CTIF: variants seen among roughly 807,000 people sequenced by gnomAD.
CTIF encodes cap binding complex dependent translation initiation factor.
A neutral mutation model predicts 66.0 loss-of-function variants in CTIF; 21 were observed. The ratio of observed to expected loss-of-function variants is 0.32; its 90% CI spans 0.23 to 0.46. The LOEUF (loss-of-function observed/expected upper bound fraction) is 0.46, where lower values mean the gene tolerates loss of function less well. CTIF is among the 20% of genes least tolerant of loss of function. CTIF has a pLI of 1.00. For missense variants in CTIF, 739 were observed against 812.7 expected (o/e 0.91, Z 1.10); for synonymous variants, 345 against 326.4 (o/e 1.06, Z -0.62).
rs2092224380 is a variant in CTIF, at chr18:48,711,637, C to A, written c.526C>A (p.His176Asn). Residue 176 changes from histidine to asparagine, a missense_variant, in exon 7 of 12, where the codon CAT (histidine) becomes AAT (asparagine). His to Asn is a moderately conservative substitution (Grantham distance 68). Coordinates refer to ENST00000256413, the MANE Select transcript of CTIF (RefSeq NM_014772.3). ...GACACAGGGCTACCACCCGATGCCC[C>A]ATGAAGTGGAGATCGCACACACCAA... ...PAWQGYHPMPHEVEIAHTKKL... is the reference protein window; with the variant it reads ...PAWQGYHPMPNEVEIAHTKKL... 1 of 1,613,980 alleles carries A rather than the reference C, an allele frequency of 6.2e-7. No individual in the cohort carries two copies. Among genetic ancestry groups the A allele is most frequent in the Admixed American group, 1.7e-5 (1 of 60,008 alleles).
chr18:48,795,976 C>G (rs563268644), intron 9 of CTIF, among the ~76,000 whole-genome samples: 1 of 152,232 alleles, frequency 6.6e-6, no homozygotes, highest in South Asian at 2.1e-4. Context: ...GAGAAGCAAT[C>G]CCCAAATGCC....
intron 9 of CTIF, among the ~76,000 whole-genome samples, chr18:48,764,019 AC>A (rs1303466504): frequency 6.6e-6 from 1 of 150,488 alleles, no homozygotes; most frequent in East Asian, 1.9e-4. Context: ...CCTGCTCCCC[AC>A]CCCCCATCAG....
chr18:48,824,999 CCT>C (rs147800637), intron 10 of CTIF, among the ~76,000 whole-genome samples: 4 of 152,252 alleles, frequency 2.6e-5, no homozygotes, highest in Non-Finnish European at 5.9e-5. Flanking sequence ...TTCCTCTCAT[CCT>C]CTCTCTCCCC....
chr18:48,827,881 G>A (rs561444554), intron 10 of CTIF, among the ~76,000 whole-genome samples: 2 of 151,988 alleles, frequency 1.3e-5, no homozygotes, highest in Admixed American at 6.6e-5. Context: ...GCGGGGTGAC[G>A]CCGACCTACC....
At chr18:48,561,845 T>C (rs1218590619) in intron 1 of CTIF, among the ~76,000 whole-genome samples, 1 of 152,192 alleles carries the variant, frequency 6.6e-6, no homozygotes. Context: ...ATCGGTAAAA[T>C]AGGGAATTTG....
rs571329626 is a variant in CTIF at position 48,836,461 on chromosome 18, G to A, written c.1527+19085G>A. The stretch of plus-strand genomic sequence containing the variant: ...ACCACCCTGCTGCCCCCTAAGATGC[G>A]TATGGGGCAGGCCCTCCAGCTTCTC... On this transcript the variant is annotated intron_variant, in intron 10 of 11. Coordinates refer to ENST00000256413, the MANE Select transcript of CTIF (RefSeq NM_014772.3). Among the ~76,000 whole-genome samples the A allele has an allele frequency of 1.2e-4, 19 of 152,232 alleles. 1 individual carries two copies. The South Asian group carries it at 2.5e-3, about 20-fold the overall frequency.
At chr18:48,855,061 T>G (rs2146657361) in intron 10 of CTIF, among the ~76,000 whole-genome samples, 1 of 152,354 alleles carries the variant, frequency 6.6e-6, no homozygotes, top group Admixed American at 6.5e-5. Context: ...GTCTGTCTTG[T>G]TCTCTGCAGT....
At chr18:48,597,300 A>AT (rs1568060354) in intron 1 of CTIF, among the ~76,000 whole-genome samples, 13 of 152,012 alleles carry the variant, frequency 8.6e-5, no homozygotes, top group African/African-American at 3.1e-4. Flanking sequence ...CCAGTCAGCT[A>AT]ACAGTCACCA....
At chr18:48,561,879 T>C (rs141536833) in intron 1 of CTIF, among the ~76,000 whole-genome samples, 149 of 152,330 alleles carry the variant, frequency 9.8e-4, no homozygotes, top group African/African-American at 3.5e-3. Flanking sequence ...GTTGGCAAAC[T>C]ACAACTTGCA....
chr18:48,717,990 C>T (rs8098248), intron 7 of CTIF, among the ~76,000 whole-genome samples: 3,880 of 152,300 alleles, frequency 0.025, 170 homozygotes, highest in African/African-American at 0.087. Flanking sequence ...GCTCCTCTCC[C>T]GTCAACCTTC....
intron 9 of CTIF, among the ~76,000 whole-genome samples, chr18:48,797,618 C>T (rs1317418584): frequency 4.6e-5 from 7 of 150,858 alleles, no homozygotes; most frequent in Non-Finnish European, 1.0e-4. Flanking sequence ...CCTGATGGTG[C>T]GGTGTTAATG....
At chr18:48,639,991 T>A (rs1464442294) in intron 3 of CTIF, among the ~76,000 whole-genome samples, 1 of 152,192 alleles carries the variant, frequency 6.6e-6, no homozygotes, top group Non-Finnish European at 1.5e-5. Context: ...GAAAGCCCCA[T>A]GTAGCTGGCC....
At chr18:48,738,543 C>CG (rs949273128) in intron 7 of CTIF, among the ~76,000 whole-genome samples, 1 of 152,092 alleles carries the variant, frequency 6.6e-6, no homozygotes, top group Non-Finnish European at 1.5e-5. Flanking sequence ...GTTCCCCCTC[C>CG]CCGGATTGCT....
chr18:48,664,791 C>T (rs1210161900), intron 5 of CTIF, among the ~76,000 whole-genome samples: 1 of 152,190 alleles, frequency 6.6e-6, no homozygotes, highest in African/African-American at 2.4e-5. Context: ...CCCACAGTGG[C>T]CCTGCTTGTC....
chr18:48,719,795 A>T (rs2092315768), intron 7 of CTIF, among the ~76,000 whole-genome samples: 1 of 152,152 alleles, frequency 6.6e-6, no homozygotes, highest in African/African-American at 2.4e-5. Context: ...AATGGCTCCT[A>T]AACATAGTAC....
chr18:48,628,034 G>A (rs936678809), intron 2 of CTIF, among the ~76,000 whole-genome samples: 5 of 152,202 alleles, frequency 3.3e-5, no homozygotes, highest in Non-Finnish European at 5.9e-5. Context: ...GACTGGGGCC[G>A]TGTGGTCACT....
intron 6 of CTIF, among the ~76,000 whole-genome samples, chr18:48,695,364 G>T (rs1302475530): frequency 6.6e-6 from 1 of 152,174 alleles, no homozygotes; most frequent in African/African-American, 2.4e-5. Context: ...ATTATAATGG[G>T]ATCTGGGGGT....
chr18:48,589,180 AAG>A (rs2089837141), intron 1 of CTIF, among the ~76,000 whole-genome samples: 1 of 152,182 alleles, frequency 6.6e-6, no homozygotes, highest in African/African-American at 2.4e-5. Context: ...TGGGGGGCTT[AAG>A]ACAGCAGAAA....
intron 11 of CTIF, among the ~76,000 whole-genome samples, chr18:48,858,474 A>G (rs2069380332): frequency 6.6e-6 from 1 of 152,226 alleles, no homozygotes; most frequent in Admixed American, 6.5e-5. Flanking sequence ...TAGCTCTCAG[A>G]GAGTAGATAG....
Sources: allele counts gnomAD v4.1 joint callset (sites outside exome capture counted in the v4.1 genomes callset), GRCh38; gene constraint gnomAD v4.1.1; transcripts MANE v1.5; gene names NCBI Gene and HGNC (gene_info 2026-07-23, HGNC 2026-07-21).